Variants in MTUS1 observed in about 807,000 individuals in gnomAD.
MTUS1 encodes microtubule associated scaffold protein 1.
A neutral mutation model predicts 120.8 loss-of-function variants in MTUS1; 109 were observed. That is an observed-to-expected ratio of 0.90 (90% CI 0.77 to 1.06). The LOEUF (loss-of-function observed/expected upper bound fraction) is 1.06. MTUS1 is among the 50% of genes least tolerant of loss of function. The probability of loss-of-function intolerance (pLI) is 0.00; values close to 1 mark genes in which losing one functional copy is unlikely to be tolerated. For synonymous variants in MTUS1, 737 were observed against 550.5 expected (o/e 1.34, Z -4.74); for missense variants, 2,210 against 1,486.3 (o/e 1.49, Z -8.01).
At chr8:17,656,872 C>G (rs1015942792) in intron 8 of MTUS1, among the ~76,000 whole-genome samples, 10 of 150,774 alleles carry the variant, frequency 6.6e-5, no homozygotes, top group African/African-American at 2.4e-4. Context: ...GAGATCGAGA[C>G]CACGGTGAAA....
intron 1 of MTUS1, among the ~76,000 whole-genome samples, chr8:17,781,182 GTC>G (rs1351367373): frequency 6.6e-6 from 1 of 152,164 alleles, no homozygotes; most frequent in Non-Finnish European, 1.5e-5. Context: ...GAACAAAGGA[GTC>G]TCTAAAAGAA....
intron 1 of MTUS1, chr8:17,780,998 A>G (rs1348745573): frequency 1.3e-5 from 2 of 152,224 alleles, no homozygotes; most frequent in Non-Finnish European, 2.9e-5. Context: ...AGAATCTAGG[A>G]AACTCAATGA....
At chr8:17,765,471 T>C (rs1366071618) in intron 1 of MTUS1, among the ~76,000 whole-genome samples, 2 of 151,754 alleles carry the variant, frequency 1.3e-5, no homozygotes, top group South Asian at 2.1e-4. Context: ...TATACAAAAA[T>C]TAGCCAGGCG....
At chr8:17,785,201 C>T (rs1047961381) in intron 1 of MTUS1, among the ~76,000 whole-genome samples, 4 of 19,706 alleles carry the variant, frequency 2.0e-4, no homozygotes, top group African/African-American at 3.1e-4. Context: ...CTTCAAAGAG[C>T]CTCCAAAGAG....
intron 13 of MTUS1, among the ~76,000 whole-genome samples, chr8:17,649,113 G>A (rs891477683): frequency 3.3e-5 from 5 of 151,826 alleles, no homozygotes; most frequent in African/African-American, 1.2e-4. Flanking sequence ...TTTTGAGATG[G>A]AGTCTTGCTA....
At chr8:17,683,728 A>T (rs554232952) in intron 7 of MTUS1, among the ~76,000 whole-genome samples, 10 of 152,326 alleles carry the variant, frequency 6.6e-5, no homozygotes, top group Admixed American at 6.5e-4. Flanking sequence ...CTATGTCAGT[A>T]ACATGTTGAT....
At chr8:17,768,246 C>T (rs1201789614) in intron 1 of MTUS1, among the ~76,000 whole-genome samples, 1 of 152,140 alleles carries the variant, frequency 6.6e-6, no homozygotes, top group Non-Finnish European at 1.5e-5. Context: ...GTTCTCTCTT[C>T]TCTTTCTTCA....
At chr8:17,703,523 G>A (rs1217070994) in intron 6 of MTUS1, among the ~76,000 whole-genome samples, 2 of 151,280 alleles carry the variant, frequency 1.3e-5, no homozygotes, top group African/African-American at 2.4e-5. Context: ...GTCCCAGTTA[G>A]TAGTCCCAGG....
At chr8:17,798,448 T>G (rs538041501) in intron 1 of MTUS1, among the ~76,000 whole-genome samples, 66 of 152,218 alleles carry the variant, frequency 4.3e-4, no homozygotes, top group Non-Finnish European at 7.6e-4. Flanking sequence ...TTCTCCTGCC[T>G]CAGCGTCCCA....
rs1816460702 is a variant in MTUS1 at position 17,689,213 on chromosome 8, A to G, written c.2624-4671T>C. ...GTGACAGAGCAAGACTCCGTTCTCAAAAACAAACAAACAAACAAACAAAAA... is the reference window on the plus strand; with the variant it reads ...GTGACAGAGCAAGACTCCGTTCTCAGAAACAAACAAACAAACAAACAAAAA... On this transcript the variant is annotated intron_variant, in intron 6 of 14. Coordinates refer to ENST00000693296, the MANE Select transcript of MTUS1 (RefSeq NM_001363059.2). 2.0e-5 allele frequency among the ~76,000 whole-genome samples: 3 copies of G among 152,232 alleles called. No individual in the cohort carries two copies. In the South Asian group the frequency reaches 6.2e-4, roughly 32 times the overall value.
chr8:17,666,294 A>G (rs1382707236), intron 8 of MTUS1, among the ~76,000 whole-genome samples: 1 of 149,354 alleles, frequency 6.7e-6, no homozygotes, highest in Non-Finnish European at 1.5e-5. Flanking sequence ...AAAAAAAAAA[A>G]AGGATGATTT....
intron 6 of MTUS1, among the ~76,000 whole-genome samples, chr8:17,712,909 A>G (rs1327334630): frequency 6.6e-6 from 1 of 152,244 alleles, no homozygotes; most frequent in Non-Finnish European, 1.5e-5. Flanking sequence ...AGGAATATCC[A>G]ATTTCAAAAT....
chr8:17,653,155 C>A lies in MTUS1; in HGVS notation c.3384+31G>T, dbSNP rs771372143. ...TAAAAGGCAACTGAGAAGAAAAATT[C>A]CATACTGATAAAGGAGCACACACAA... On this transcript the variant is annotated intron_variant, in intron 12 of 14. Coordinates refer to ENST00000693296, the MANE Select transcript of MTUS1 (RefSeq NM_001363059.2). The A allele has an allele frequency of 3.1e-6, 4 of 1,304,870 alleles. No individual in the cohort carries two copies. In the South Asian group the frequency reaches 4.1e-5, roughly 13 times the overall value. The allele number at this position is 1,304,870 out of a possible 1,614,324, so 80.8% of individuals were successfully genotyped here. A position where few individuals can be genotyped will look rare whatever the true frequency, so the allele number is the denominator to read the frequency against.
intron 8 of MTUS1, among the ~76,000 whole-genome samples, chr8:17,656,529 AAAAC>A (rs1468470090): frequency 1.4e-5 from 2 of 138,066 alleles, no homozygotes; most frequent in African/African-American, 2.7e-5. Context: ...CTCCATCTCA[AAAAC>A]AAACAAACAA....
chr8:17,711,595 C>T (rs12678396), intron 6 of MTUS1, among the ~76,000 whole-genome samples: 1 of 152,094 alleles, frequency 6.6e-6, no homozygotes, highest in African/African-American at 2.4e-5. Flanking sequence ...GACTTTCTCT[C>T]TGCCGGGAGT....
chr8:17,737,698 G>C (rs1409833845), intron 3 of MTUS1, among the ~76,000 whole-genome samples: 2 of 152,100 alleles, frequency 1.3e-5, no homozygotes, highest in Non-Finnish European at 2.9e-5. Context: ...TGTTGCCCAG[G>C]TGGGTCTCAA....
intron 1 of MTUS1, among the ~76,000 whole-genome samples, chr8:17,777,478 A>G (rs375227016): frequency 1.3e-4 from 20 of 151,878 alleles, no homozygotes; most frequent in South Asian, 8.3e-4. Flanking sequence ...GATGTCAGGC[A>G]CAGTGTGTCC....
At chr8:17,729,670 G>A (rs575633255) in intron 3 of MTUS1, among the ~76,000 whole-genome samples, 15 of 152,194 alleles carry the variant, frequency 9.9e-5, no homozygotes, top group African/African-American at 1.9e-4. Flanking sequence ...AAATGCTATT[G>A]CAATCTGAAC....
intron 6 of MTUS1, among the ~76,000 whole-genome samples, chr8:17,708,275 T>G (rs1242276824): frequency 6.6e-6 from 1 of 152,190 alleles, no homozygotes; most frequent in African/African-American, 2.4e-5. Flanking sequence ...ATGACCCAGT[T>G]TAAAACTGGC....
Sources: allele counts gnomAD v4.1 joint callset (sites outside exome capture counted in the v4.1 genomes callset), GRCh38; gene constraint gnomAD v4.1.1; transcripts MANE v1.5; gene names NCBI Gene and HGNC (gene_info 2026-07-23, HGNC 2026-07-21).